Variants in RAD54B observed in about 807,000 individuals in gnomAD.
RAD54B encodes DNA repair and recombination protein RAD54B.
A neutral mutation model predicts 95.8 loss-of-function variants in RAD54B; 78 were observed. The ratio of observed to expected loss-of-function variants is 0.81; its 90% CI spans 0.68 to 0.98. The LOEUF is 0.98. Among genes scored for constraint, RAD54B ranks in the 50% least tolerant of loss-of-function variants. The probability of loss-of-function intolerance (pLI) is 0.00; values close to 1 mark genes in which losing one functional copy is unlikely to be tolerated. For missense variants in RAD54B, 957 were observed against 1,056.6 expected, an observed-to-expected ratio of 0.91 and a Z score of 1.31; for synonymous variants, 328 against 354.9, an observed-to-expected ratio of 0.92 and a Z score of 0.85.
At chr8:94,462,574 T>G (rs1309930654) in intron 2 of RAD54B, among the ~76,000 whole-genome samples, 2 of 152,182 alleles carry the variant, frequency 1.3e-5, no homozygotes, top group Admixed American at 6.5e-5. Context: ...ACCAATCAAG[T>G]AAACACCACT....
intron 8 of RAD54B, among the ~76,000 whole-genome samples, chr8:94,395,881 G>GGTT (rs1279631313): frequency 6.6e-6 from 1 of 152,132 alleles, no homozygotes; most frequent in Non-Finnish European, 1.5e-5. Context: ...GACAACGTTG[G>GGTT]GTTGTTGTAG....
chr8:94,399,728 AC>A, intron 7 of RAD54B, 107 bp from the exon 8 acceptor site: 6 of 1,382,908 alleles, frequency 4.3e-6, no homozygotes, highest in Non-Finnish European at 5.7e-6. Context: ...GAATGTGTTA[AC>A]TCTTTCTGTC....
At chr8:94,422,640 AT>A in intron 3 of RAD54B, among the ~76,000 whole-genome samples, 1 of 120,910 alleles carries the variant, frequency 8.3e-6, no homozygotes. Flanking sequence ...ATATATATAT[AT>A]ATATATATAT....
intron 8 of RAD54B, among the ~76,000 whole-genome samples, chr8:94,395,785 GA>G (rs1334848401): frequency 6.6e-6 from 1 of 152,110 alleles, no homozygotes; most frequent in Non-Finnish European, 1.5e-5. Flanking sequence ...GTGATGTCTG[GA>G]ACTGCTGCAG....
chr8:94,422,649 T>TAA (rs1811850149), intron 3 of RAD54B, among the ~76,000 whole-genome samples: 2 of 90,976 alleles, frequency 2.2e-5, no homozygotes, highest in Middle Eastern at 6.4e-3. Context: ...TATATATATA[T>TAA]ATATAAAATT....
chr8:94,464,013 A>ATGG (rs1772956027), intron 2 of RAD54B, among the ~76,000 whole-genome samples: 1 of 152,194 alleles, frequency 6.6e-6, no homozygotes, highest in Non-Finnish European at 1.5e-5. Context: ...AAGTGGAAAC[A>ATGG]ACCCAAATGA....
Position 94,407,648 on chromosome 8 carries a change from A to C in RAD54B, c.572T>G (p.Ile191Arg), listed in dbSNP as rs2130029780. Residue 191 changes from isoleucine to arginine, a missense_variant, in exon 5 of 15, where the codon ATA becomes AGA. By Grantham distance (97) the Ile-to-Arg change is moderately conservative. Coordinates refer to ENST00000336148, the MANE Select transcript of RAD54B (RefSeq NM_012415.3). ...TGGAGAGATTACACCCATGACTTCT[A>C]TTTCTTTTCCACAAATCATCAGTGT... ...GQTLMICGKE[I>R]EVMGVISPDD... is the part of the protein sequence containing the mutation. The C allele has an allele frequency of 6.2e-7, 1 of 1,613,992 alleles. No individual in the cohort carries two copies. The highest frequency in any genetic ancestry group is 1.7e-4 in the Middle Eastern group (1 of 6,060).
At chr8:94,388,927 A>G (rs1289375764) in intron 10 of RAD54B, among the ~76,000 whole-genome samples, 1 of 152,190 alleles carries the variant, frequency 6.6e-6, no homozygotes, top group East Asian at 1.9e-4. Flanking sequence ...GCTCTAGGGA[A>G]ATTATTCATA....
chr8:94,371,982 T>A lies in RAD54B; in HGVS notation c.*188A>T, dbSNP rs765846117. On this transcript the variant is annotated 3_prime_UTR_variant, in exon 15 of 15. Coordinates refer to ENST00000336148, the MANE Select transcript of RAD54B (RefSeq NM_012415.3). ...TTATACAATGATATAAGCACATCTT[T>A]ATTTTTCATTTAAACACTTAATATT... 3 of 1,002,558 alleles carry A rather than the reference T, an allele frequency of 3.0e-6. No homozygotes were observed. The highest frequency in any genetic ancestry group is 2.3e-5 in the South Asian group (1 of 44,316). 62.1% of individuals were successfully genotyped at this position (1,002,558 alleles called of 1,614,324 possible). A position where few individuals can be genotyped will look rare whatever the true frequency, so the allele number is the denominator to read the frequency against.
At chr8:94,427,901 G>A (rs1369767884) in intron 3 of RAD54B, 41 of 936,484 alleles carry the variant, frequency 4.4e-5, no homozygotes, top group Non-Finnish European at 5.1e-5. Context: ...TTTCACATAA[G>A]TAAAGATAGA....
At chr8:94,412,449 G>A (rs1427291854) in intron 3 of RAD54B, among the ~76,000 whole-genome samples, 1 of 151,334 alleles carries the variant, frequency 6.6e-6, no homozygotes, top group Non-Finnish European at 1.5e-5. Flanking sequence ...ATAAGAACAA[G>A]TATAAAACAG....
At position 94,430,042 on chromosome 8, in the gene RAD54B, G is replaced by A. The variant is rs375380288; in HGVS notation, c.305-18727C>T. 30 of 984,660 alleles carry A rather than the reference G, an allele frequency of 3.0e-5. No homozygotes were observed. In the East Asian group the frequency reaches 5.7e-4, roughly 19 times the overall value. The allele number at this position is 984,660 out of a possible 1,614,324, so 61.0% of individuals were successfully genotyped here. On this transcript the variant is annotated intron_variant, in intron 3 of 14. Coordinates refer to ENST00000336148, the MANE Select transcript of RAD54B (RefSeq NM_012415.3). ...TAAAAATAGTATTTAGGCTGGGCAC[G>A]GTGGCTCAAGCCTGTAATCCCAGCA... is the stretch of plus-strand genomic sequence containing the variant.
intron 3 of RAD54B, chr8:94,436,932 T>A: frequency 6.9e-7 from 1 of 1,456,334 alleles, no homozygotes. Context: ...TCTGCTCAGC[T>A]CTTTTCACAA....
At chr8:94,380,068 C>T (rs943023979) in intron 12 of RAD54B, 77 bp downstream of exon 12, 1 of 1,436,866 alleles carries the variant, frequency 7.0e-7, no homozygotes, top group Admixed American at 2.1e-5. Flanking sequence ...TATATATCAT[C>T]ATTATCTTTG....
At chr8:94,462,024 C>A (rs1812918147) in intron 2 of RAD54B, among the ~76,000 whole-genome samples, 1 of 152,176 alleles carries the variant, frequency 6.6e-6, no homozygotes, top group Non-Finnish European at 1.5e-5. Flanking sequence ...CAATCTCTAA[C>A]TTCATTCATC....
In RAD54B at chr8:94,404,222, G is replaced by A. The variant is rs534637551; in HGVS notation, c.799C>T (p.Arg267Ter). 15 of 1,588,852 alleles carry A rather than the reference G, an allele frequency of 9.4e-6. No individual in the cohort carries two copies. In the South Asian group the frequency reaches 1.1e-4, roughly 11 times the overall value. The change falls in exon 6 of 15, where the codon CGA (arginine) becomes TGA (stop). Residue 267 changes from arginine (R) to a stop codon, truncating the protein, a stop_gained. Transcript: ENST00000336148. LOFTEE classifies it high-confidence loss of function. ...ACCCACTGGTGATTCTTATCTGGTC[G>A]TGGCATAACGAGGGAATCTTAAAAA... ...PYTPNSLVMP[R>*]PDKNHQWVFN...
chr8:94,430,124 T>C (rs974059661), intron 3 of RAD54B: 3 of 733,252 alleles, frequency 4.1e-6, no homozygotes, highest in Non-Finnish European at 5.0e-6. Flanking sequence ...CCATCCTGGC[T>C]AACACAGTGA....
chr8:94,377,839 G>A (rs1303232296), intron 14 of RAD54B, among the ~76,000 whole-genome samples: 1 of 149,464 alleles, frequency 6.7e-6, no homozygotes, highest in East Asian at 2.0e-4. Flanking sequence ...AGCCGGGCGT[G>A]GTAGCGGGCG....
At chr8:94,421,645 T>C (rs1311431325) in intron 3 of RAD54B, among the ~76,000 whole-genome samples, 1 of 152,222 alleles carries the variant, frequency 6.6e-6, no homozygotes, top group Admixed American at 6.5e-5. Flanking sequence ...GTCTCGTCCT[T>C]ATACAAGCCA....
Sources: allele counts gnomAD v4.1 joint callset (sites outside exome capture counted in the v4.1 genomes callset), GRCh38; gene constraint gnomAD v4.1.1; transcripts MANE v1.5; gene names NCBI Gene and HGNC (gene_info 2026-07-23, HGNC 2026-07-21).